ACBD3: variants seen among roughly 807,000 people sequenced by gnomAD.
ACBD3 encodes the protein acyl-CoA binding domain containing 3, also known as Golgi resident protein GCP60.
In ACBD3, 30 loss-of-function variants were observed where a neutral mutation model predicts 66.9. That is an observed-to-expected ratio of 0.45 (90% CI 0.34 to 0.61). ACBD3 has a LOEUF of 0.61. Ranked by LOEUF, ACBD3 falls within the 20% of genes least tolerant of loss-of-function variation. The pLI, the probability that ACBD3 is intolerant of heterozygous loss-of-function variation, is 0.02. For synonymous variants in ACBD3, 278 were observed against 259.8 expected (o/e 1.07, Z -0.68); for missense variants, 544 against 664.5 (o/e 0.82, Z 1.99).
chr1:226,150,845 G>A (rs1659559348), intron 7 of ACBD3, among the ~76,000 whole-genome samples: 1 of 152,094 alleles, frequency 6.6e-6, no homozygotes, highest in Admixed American at 6.5e-5. Flanking sequence ...CTGGACCTGT[G>A]GTATAATGAA....
chr1:226,152,503 C>A lies in ACBD3; in HGVS notation c.1207G>T (p.Val403Phe). The change falls in exon 7 of 8, where the codon GTC becomes TTC. Residue 403 changes from valine (V) to phenylalanine (F), a missense_variant. Around this residue, in one of 3 missense-constraint regions of ACBD3, gnomAD observed 383 missense variants for 462.4 expected, o/e 0.83. Transcript: ENST00000366812. The stretch of plus-strand genomic sequence containing the variant: ...TCATGGGTGGGTACTCGAACAGTGA[C>A]CACTTCTCCTCGGCCCACTGTAATC... ...SVITVGRGEVVTVRVPTHEEG... is the reference protein window; with the variant it reads ...SVITVGRGEVFTVRVPTHEEG... 1 of 1,614,192 alleles carries A rather than the reference C, an allele frequency of 6.2e-7. No homozygotes were observed.
intron 1 of ACBD3, among the ~76,000 whole-genome samples, chr1:226,176,281 C>G (rs961253926): frequency 1.3e-5 from 2 of 152,078 alleles, no homozygotes; most frequent in Admixed American, 6.6e-5. Flanking sequence ...CACAAATTAG[C>G]TGGGCATGGT....
chr1:226,176,224 A>T (rs917379182), intron 1 of ACBD3, among the ~76,000 whole-genome samples: 9 of 152,234 alleles, frequency 5.9e-5, no homozygotes, highest in Admixed American at 2.6e-4. Flanking sequence ...TCAGGAGTTC[A>T]AGACCAGCCT....
intron 5 of ACBD3, among the ~76,000 whole-genome samples, chr1:226,157,850 T>G (rs1361254707): frequency 6.6e-6 from 1 of 152,266 alleles, no homozygotes; most frequent in East Asian, 1.9e-4. Flanking sequence ...GCCTCCATTA[T>G]GGCTTTCTAG....
intron 1 of ACBD3, among the ~76,000 whole-genome samples, chr1:226,175,319 C>T (rs1404769698): frequency 6.6e-6 from 1 of 151,924 alleles, no homozygotes; most frequent in Non-Finnish European, 1.5e-5. Flanking sequence ...TAAATAAAAA[C>T]AACAACAAAG....
At chr1:226,182,050 C>T (rs1576243097) in intron 1 of ACBD3, among the ~76,000 whole-genome samples, 2 of 151,722 alleles carry the variant, frequency 1.3e-5, no homozygotes, top group South Asian at 4.2e-4. Flanking sequence ...GGCAACAAAG[C>T]AAGACCTCTG....
rs192649971 is a variant in ACBD3, at chr1:226,152,204, A to T, written c.1375+131T>A. The T allele has an allele frequency of 1.6e-4, 206 of 1,257,812 alleles. No homozygotes were observed. The East Asian group carries it at 3.0e-3, about 18-fold the overall frequency. The allele number at this position is 1,257,812 out of a possible 1,614,324, so 77.9% of individuals were successfully genotyped here. A position where few individuals can be genotyped will look rare whatever the true frequency, so the allele number is the denominator to read the frequency against. On this transcript the variant is annotated intron_variant, in intron 7 of 7. Coordinates refer to ENST00000366812, the MANE Select transcript of ACBD3 (RefSeq NM_022735.4). ...CATAACATTTTCAGCCCAAGGTCCC[A>T]CTAATGAAGAAAGTGTTCCCTAACC...
chr1:226,176,021 T>C (rs1164777692), intron 1 of ACBD3, among the ~76,000 whole-genome samples: 1 of 152,186 alleles, frequency 6.6e-6, no homozygotes, highest in Non-Finnish European at 1.5e-5. Flanking sequence ...TTTCCTGAAC[T>C]ACTCATGTGG....
At chr1:226,161,373 C>T (rs1659769780) in intron 4 of ACBD3, among the ~76,000 whole-genome samples, 158 bp downstream of exon 4, 1 of 152,120 alleles carries the variant, frequency 6.6e-6, no homozygotes, top group Admixed American at 6.5e-5. Context: ...CTCCCAACCT[C>T]AGGTGATCTC....
chr1:226,159,109 T>G (rs527248896), intron 5 of ACBD3, 75 bp downstream of exon 5: 2 of 1,538,778 alleles, frequency 1.3e-6, no homozygotes, highest in Non-Finnish European at 8.9e-7. Context: ...CATTTGCGAC[T>G]GTTAAAAAAG....
intron 1 of ACBD3, among the ~76,000 whole-genome samples, chr1:226,174,160 C>G (rs1655964580): frequency 6.6e-6 from 1 of 152,046 alleles, no homozygotes; most frequent in Admixed American, 6.6e-5. Context: ...ACACAAAAAG[C>G]CTTGTAGAAA....
chr1:226,159,949 G>A (rs780950653), intron 4 of ACBD3, among the ~76,000 whole-genome samples: 3 of 152,106 alleles, frequency 2.0e-5, no homozygotes, highest in Non-Finnish European at 4.4e-5. Context: ...AGGTGGCCCT[G>A]GTAAGTATAA....
intron 4 of ACBD3, 35 bp from the exon 5 acceptor site, chr1:226,159,393 T>C: frequency 6.3e-7 from 1 of 1,595,832 alleles, no homozygotes; most frequent in Non-Finnish European, 8.6e-7. Flanking sequence ...CTAGTCTGGC[T>C]ACAGGAGATT....
chr1:226,151,412 A>G (rs1251914303), intron 7 of ACBD3, among the ~76,000 whole-genome samples: 7 of 152,254 alleles, frequency 4.6e-5, no homozygotes, highest in African/African-American at 1.7e-4. Flanking sequence ...AACAAAAATA[A>G]AGAGACCCTC....
chr1:226,186,595 A>T lies in ACBD3; in HGVS notation c.81T>A (p.Pro27=). The T allele has an allele frequency of 7.0e-7, 1 of 1,429,170 alleles. No individual in the cohort carries two copies. The highest frequency in any genetic ancestry group is 9.1e-7 in the Non-Finnish European group (1 of 1,093,738). The allele number at this position is 1,429,170 out of a possible 1,614,324, so 88.5% of individuals were successfully genotyped here. Residue 27 remains proline, a synonymous_variant, in exon 1 of 8, where the codon CCT becomes CCA. Transcript: ENST00000366812. The stretch of plus-strand genomic sequence containing the variant: ...GCAGCAGCGGGGCGCCCTCCGCCCC[A>T]GGCCGCTCCTCCGGGTCCGGGCTGA... ...LTLSPDPEER[P]GAEGAPLLPP... is the part of the protein sequence containing the mutation.
In ACBD3 at chr1:226,146,707, T is replaced by C. The variant is rs748230847; in HGVS notation, c.1490A>G (p.Gln497Arg). ...GAGATAGACTCCTCTCCCTGGATAT[T>C]GATGGCTGCCAGCATACACCTCCTC... Reference protein sequence around the residue: ...CHEEVYAGSHQYPGRGVYLLK... With the variant: ...CHEEVYAGSHRYPGRGVYLLK... Residue 497 changes from glutamine to arginine, a missense_variant, in exon 8 of 8, where the codon CAA (glutamine) becomes CGA (arginine). By Grantham distance (43) the Gln-to-Arg change is conservative (BLOSUM62 1). Coordinates refer to ENST00000366812, the MANE Select transcript of ACBD3 (RefSeq NM_022735.4). 3.1e-6 allele frequency: 5 copies of C among 1,614,054 alleles called. No homozygotes were observed. The highest frequency in any genetic ancestry group is 4.2e-6 in the Non-Finnish European group (5 of 1,180,022).
At chr1:226,166,592 C>T (rs1461628238) in intron 1 of ACBD3, among the ~76,000 whole-genome samples, 1 of 150,736 alleles carries the variant, frequency 6.6e-6, no homozygotes. Context: ...CTTAAGTGAT[C>T]CTCCCACCTC....
chr1:226,150,136 A>G (rs2102773796), intron 7 of ACBD3, among the ~76,000 whole-genome samples: 1 of 148,736 alleles, frequency 6.7e-6, no homozygotes. Flanking sequence ...ATAGCTCACT[A>G]CAGCCTCGAA....
chr1:226,156,269 T>C (rs1252242806), intron 5 of ACBD3, among the ~76,000 whole-genome samples: 2 of 152,232 alleles, frequency 1.3e-5, no homozygotes. Context: ...ATGGGTTGTA[T>C]AGTATACATT....
Sources: gnomAD v4.1 joint callset for allele counts (sites outside exome capture counted in the v4.1 genomes callset) on GRCh38, gnomAD v4.1.1 for gene constraint, gnomAD v4.1.1 regional missense constraint, MANE v1.5 for transcripts, NCBI Gene and HGNC (gene_info 2026-07-23, HGNC 2026-07-21) for gene names.